Variants in DMXL1 observed in about 807,000 individuals in gnomAD.
DMXL1 encodes the protein Dmx like 1, also known as dmX-like protein 1.
A neutral mutation model predicts 319.2 loss-of-function variants in DMXL1; 99 were observed. The observed-to-expected ratio is 0.31, with a 90% CI of 0.26 to 0.37. The LOEUF is 0.37. DMXL1 is among the 10% of genes least tolerant of loss of function. The pLI is 1.00. For missense variants in DMXL1, 3,745 were observed against 3,595.6 expected, an observed-to-expected ratio of 1.04 and a Z score of -1.06; for synonymous variants, 1,385 against 1,235.2, an observed-to-expected ratio of 1.12 and a Z score of -2.54.
chr5:119,182,147 G>T (rs558339491), intron 28 of DMXL1, among the ~76,000 whole-genome samples: 1 of 152,214 alleles, frequency 6.6e-6, no homozygotes, highest in East Asian at 1.9e-4. Flanking sequence ...GAGTCTAATT[G>T]CATTAAGTAA....
At chr5:119,124,035 A>G (rs111346162) in intron 9 of DMXL1, among the ~76,000 whole-genome samples, 4,979 of 151,726 alleles carry the variant, frequency 0.033, 258 homozygotes, top group African/African-American at 0.11. Flanking sequence ...GGAGCTGGGC[A>G]TGGTCACTCA....
In DMXL1 at chr5:119,133,541, A is replaced by G; in HGVS notation, c.1617A>G (p.Ala539=). The part of the protein sequence containing the change: ...RIPVAFPTGD[A]NSLCKSIMMY... ...CAGTAGCTTTCCCCACAGGTGATGCAAACTCTCTCTGTAAAAGCATAATGA... is the reference window on the plus strand; with the variant it reads ...CAGTAGCTTTCCCCACAGGTGATGCGAACTCTCTCTGTAAAAGCATAATGA... The change falls in exon 12 of 44, where the codon GCA becomes GCG. Residue 539 remains alanine (A), a synonymous_variant. Coordinates refer to ENST00000539542, the MANE Select transcript of DMXL1 (RefSeq NM_001290321.3). 1 of 1,613,264 alleles carries G rather than the reference A, an allele frequency of 6.2e-7. No individual in the cohort carries two copies. Among genetic ancestry groups the G allele is most frequent in the Non-Finnish European group, 8.5e-7 (1 of 1,179,850 alleles).
chr5:119,157,660 A>G (rs540218977), intron 19 of DMXL1, among the ~76,000 whole-genome samples: 1 of 152,174 alleles, frequency 6.6e-6, no homozygotes, highest in African/African-American at 2.4e-5. Flanking sequence ...CGTGCCTTCT[A>G]TTCTGTTCCA....
In DMXL1 at chr5:119,189,700, T is replaced by C. The variant is rs1256182101; in HGVS notation, c.7136-8T>C. ...TACTTCAGTAACATTTTATTTTCTT[T>C]TTGTTAGTTTCTTCACTAGTTGAAG... On this transcript the variant is annotated splice_region_variant and splice_polypyrimidine_tract_variant and intron_variant, in intron 28 of 43. Transcript: ENST00000539542. The C allele has an allele frequency of 1.2e-6, 2 of 1,612,870 alleles. No individual in the cohort carries two copies. Among genetic ancestry groups the C allele is most frequent in the South Asian group, 2.2e-5 (2 of 91,040 alleles).
At chr5:119,120,924 T>C (rs1761901725) in intron 8 of DMXL1, 47 bp from the exon 9 acceptor site, 3 of 1,469,372 alleles carry the variant, frequency 2.0e-6, no homozygotes, top group Non-Finnish European at 2.8e-6. Context: ...CCTATACGTG[T>C]ATGACTTTTG....
chr5:119,243,173 A>T (rs1243493802), intron 42 of DMXL1, among the ~76,000 whole-genome samples: 1 of 152,196 alleles, frequency 6.6e-6, no homozygotes, highest in Non-Finnish European at 1.5e-5. Context: ...TATATACTTA[A>T]AAAGTGTGCA....
chr5:119,180,342 A>G, intron 28 of DMXL1, among the ~76,000 whole-genome samples: 1 of 152,150 alleles, frequency 6.6e-6, no homozygotes, highest in East Asian at 1.9e-4. Context: ...TCTAGGGGCT[A>G]ATTCAGTTTT....
intron 32 of DMXL1, among the ~76,000 whole-genome samples, chr5:119,202,888 TA>T (rs1781034019): frequency 8.0e-6 from 1 of 124,846 alleles, no homozygotes; most frequent in African/African-American, 3.7e-5. Context: ...TATATTTTTA[TA>T]TATATATATA....
At chr5:119,233,814 A>C (rs1395569425) in intron 39 of DMXL1, among the ~76,000 whole-genome samples, 1 of 152,108 alleles carries the variant, frequency 6.6e-6, no homozygotes, top group African/African-American at 2.4e-5. Context: ...GCTTATTATA[A>C]ATGCATATTA....
intron 28 of DMXL1, among the ~76,000 whole-genome samples, chr5:119,184,352 C>A (rs1156291669): frequency 6.6e-6 from 1 of 152,212 alleles, no homozygotes; most frequent in African/African-American, 2.4e-5. Context: ...GTGTGAGCCA[C>A]CATGTCCTGC....
At chr5:119,117,651 T>C (rs779777234) in intron 7 of DMXL1, among the ~76,000 whole-genome samples, 4 of 150,472 alleles carry the variant, frequency 2.7e-5, no homozygotes, top group Non-Finnish European at 4.4e-5. Flanking sequence ...AAGCAAAGAA[T>C]GGTGGGAGAG....
intron 3 of DMXL1, among the ~76,000 whole-genome samples, chr5:119,103,113 C>T (rs961974935): frequency 6.7e-6 from 1 of 150,004 alleles, no homozygotes; most frequent in African/African-American, 2.5e-5. Context: ...AAAGAAAGAG[C>T]AGTGTATTGG....
intron 34 of DMXL1, among the ~76,000 whole-genome samples, chr5:119,212,043 T>C (rs548561943): frequency 4.4e-4 from 67 of 152,350 alleles, no homozygotes; most frequent in African/African-American, 1.5e-3. Flanking sequence ...TAATTCCTTT[T>C]TGTGGTAAAA....
At chr5:119,121,952 G>C (rs1762179813) in intron 9 of DMXL1, among the ~76,000 whole-genome samples, 1 of 148,476 alleles carries the variant, frequency 6.7e-6, no homozygotes, top group African/African-American at 2.5e-5. Flanking sequence ...CGGCTGGCCG[G>C]GCAGAGTGGC....
Position 119,080,515 on chromosome 5 carries a change from T to A in DMXL1, c.87+8859T>A, listed in dbSNP as rs988691847. ...TTTTTAAGCCAAAGATTTGGAAATA[T>A]CCTTAACACCTAATCCTCCCACATT... On this transcript the variant is annotated intron_variant, in intron 1 of 43. Coordinates refer to ENST00000539542, the MANE Select transcript of DMXL1 (RefSeq NM_001290321.3). 2.6e-5 allele frequency among the ~76,000 whole-genome samples: 4 copies of A among 152,132 alleles called. No individual in the cohort carries two copies. The East Asian group carries it at 7.7e-4, about 29-fold the overall frequency.
intron 38 of DMXL1, among the ~76,000 whole-genome samples, chr5:119,225,853 GAGAACTAAAAAGC>G (rs1416992783): frequency 2.6e-5 from 4 of 152,062 alleles, no homozygotes; most frequent in African/African-American, 9.7e-5. Flanking sequence ...AATGTCAGGT[GAGAACTAAAAAGC>G]AGTCATGAAG....
Position 119,149,368 on chromosome 5 carries a change from C to A in DMXL1, c.3541C>A (p.Leu1181Met). Residue 1181 changes from leucine to methionine, a missense_variant, in exon 18 of 44, where the codon CTG becomes ATG. This residue lies in a region of DMXL1 where 2,096 missense variants were observed against 1,985.4 expected (regional missense o/e 1.06). Coordinates refer to ENST00000539542, the MANE Select transcript of DMXL1 (RefSeq NM_001290321.3). ...ACAAGACCAAACTGGTAAGGAAACCCTGGCATTTCCTCTCTGGGAGAGTAC... is the reference window on the plus strand; with the variant it reads ...ACAAGACCAAACTGGTAAGGAAACCATGGCATTTCCTCTCTGGGAGAGTAC... ...KVQDQTGKET[L>M]AFPLWESTKV... 6 of 1,613,920 alleles carry A rather than the reference C, an allele frequency of 3.7e-6. No homozygotes were observed. The highest frequency in any genetic ancestry group is 5.1e-6 in the Non-Finnish European group (6 of 1,179,880).
chr5:119,178,402 A>G (rs1006007450), intron 28 of DMXL1, among the ~76,000 whole-genome samples, 158 bp downstream of exon 28: 1 of 152,202 alleles, frequency 6.6e-6, no homozygotes, highest in Non-Finnish European at 1.5e-5. Flanking sequence ...TGCAGTATTA[A>G]AGTTTCTGGT....
chr5:119,098,754 T>C (rs1756557601), intron 2 of DMXL1, among the ~76,000 whole-genome samples: 1 of 152,306 alleles, frequency 6.6e-6, no homozygotes, highest in East Asian at 1.9e-4. Context: ...GGCAGCATAA[T>C]ATATAGCTTA....
Sources: gnomAD v4.1 joint callset for allele counts (sites outside exome capture counted in the v4.1 genomes callset) on GRCh38, gnomAD v4.1.1 for gene constraint, gnomAD v4.1.1 regional missense constraint, MANE v1.5 for transcripts, NCBI Gene and HGNC (gene_info 2026-07-23, HGNC 2026-07-21) for gene names.